SLC9A9: variants seen among roughly 807,000 people sequenced by gnomAD.
SLC9A9 encodes sodium/hydrogen exchanger 9.
In SLC9A9, 62 loss-of-function variants were observed where a neutral mutation model predicts 77.8. The observed-to-expected ratio is 0.80, with a 90% CI of 0.65 to 0.98. The LOEUF (loss-of-function observed/expected upper bound fraction) is 0.98, where lower values mean the gene tolerates loss of function less well. SLC9A9 is among the 50% of genes least tolerant of loss of function. SLC9A9 has a pLI of 0.00. For missense variants in SLC9A9, 775 were observed against 774.9 expected, an observed-to-expected ratio of 1.00 and a Z score of 0.00; for synonymous variants, 320 against 283.5, an observed-to-expected ratio of 1.13 and a Z score of -1.29.
intron 4 of SLC9A9, among the ~76,000 whole-genome samples, chr3:143,706,361 A>T (rs768168368): frequency 3.9e-5 from 6 of 152,148 alleles, no homozygotes; most frequent in African/African-American, 1.4e-4. Flanking sequence ...ATTCTTCCCT[A>T]AGGAATGTAA....
chr3:143,354,951 G>A (rs2032549576), intron 14 of SLC9A9, among the ~76,000 whole-genome samples: 1 of 152,122 alleles, frequency 6.6e-6, no homozygotes, highest in Non-Finnish European at 1.5e-5. Context: ...CTTTCATTGT[G>A]GAAGAGAAAA....
chr3:143,289,509 C>T (rs1938476823), intron 14 of SLC9A9, among the ~76,000 whole-genome samples: 1 of 152,130 alleles, frequency 6.6e-6, no homozygotes, highest in African/African-American at 2.4e-5. Flanking sequence ...CTGTTTCTCC[C>T]TCTCATGCCC....
At chr3:143,446,898 GCA>G (rs1559919331) in intron 12 of SLC9A9, among the ~76,000 whole-genome samples, 1 of 149,742 alleles carries the variant, frequency 6.7e-6, no homozygotes, top group East Asian at 1.9e-4. Flanking sequence ...GTGTGTGTGT[GCA>G]TGCACACATG....
chr3:143,492,808 T>A (rs1434138284), intron 11 of SLC9A9, among the ~76,000 whole-genome samples: 4 of 152,224 alleles, frequency 2.6e-5, no homozygotes, highest in African/African-American at 7.2e-5. Flanking sequence ...TTGTTCATGC[T>A]GATAGCAGGT....
intron 6 of SLC9A9, among the ~76,000 whole-genome samples, chr3:143,581,488 T>G (rs1002603305): frequency 2.6e-5 from 4 of 152,120 alleles, no homozygotes; most frequent in Non-Finnish European, 4.4e-5. Context: ...CCTTCCTTCC[T>G]TCTTTCCTAC....
intron 5 of SLC9A9, among the ~76,000 whole-genome samples, chr3:143,689,186 GA>G (rs149176831): frequency 0.016 from 2,469 of 152,164 alleles, 58 homozygotes; most frequent in African/African-American, 0.055. Flanking sequence ...AAATTTTATG[GA>G]GGGGAGTTTG....
intron 14 of SLC9A9, among the ~76,000 whole-genome samples, chr3:143,316,333 C>T (rs1367808095): frequency 6.6e-6 from 1 of 152,178 alleles, no homozygotes. Context: ...TAATCTCTGC[C>T]CTCAAACTTG....
chr3:143,302,838 C>T (rs1228670897), intron 14 of SLC9A9, among the ~76,000 whole-genome samples: 1 of 152,206 alleles, frequency 6.6e-6, no homozygotes, highest in East Asian at 1.9e-4. Context: ...AGAATCATCA[C>T]GTTTTCTGGA....
chr3:143,450,803 G>A (rs2034993765), intron 12 of SLC9A9, among the ~76,000 whole-genome samples: 1 of 152,176 alleles, frequency 6.6e-6, no homozygotes, highest in African/African-American at 2.4e-5. Context: ...AGTGGAGGCA[G>A]CATAGCCAGA....
At chr3:143,406,698 G>A (rs1421820150) in intron 12 of SLC9A9, among the ~76,000 whole-genome samples, 3 of 151,930 alleles carry the variant, frequency 2.0e-5, no homozygotes, top group African/African-American at 7.3e-5. Flanking sequence ...AAATTAGGCC[G>A]GGCATGGTGG....
chr3:143,520,566 T>TA (rs2036279922), intron 9 of SLC9A9, among the ~76,000 whole-genome samples: 1 of 152,246 alleles, frequency 6.6e-6, no homozygotes, highest in Non-Finnish European at 1.5e-5. Flanking sequence ...CAGGTCCTGT[T>TA]ATAATACTTT....
Position 143,467,185 on chromosome 3 carries a change from G to A in SLC9A9, c.1321C>T (p.Arg441Ter), listed in dbSNP as rs866526285. The A allele has an allele frequency of 9.3e-6, 15 of 1,614,012 alleles. No individual in the cohort carries two copies. The highest frequency in any genetic ancestry group is 2.2e-5 in the East Asian group (1 of 44,872). Reference sequence around the variant, plus strand: ...GCTAAGGCAAATGCGATCGCTCCTCGCAAACCTTGCAGGAAAAACCAAAGG... The same window carrying A: ...GCTAAGGCAAATGCGATCGCTCCTCACAAACCTTGCAGGAAAAACCAAAGG... Reference protein sequence around the residue: ...FQHMMMFSGLRGAIAFALAIR... With the variant: ...FQHMMMFSGL The change falls in exon 12 of 16, where the codon CGA becomes TGA. Residue 441 changes from arginine (R) to a stop codon, truncating the protein, a stop_gained. Coordinates refer to ENST00000316549, the MANE Select transcript of SLC9A9 (RefSeq NM_173653.4). LOFTEE classifies it high-confidence loss of function.
intron 6 of SLC9A9, among the ~76,000 whole-genome samples, chr3:143,637,889 A>G (rs2038551832): frequency 6.6e-6 from 1 of 152,216 alleles, no homozygotes; most frequent in African/African-American, 2.4e-5. Context: ...GTTATGTTCT[A>G]AGATTAAAGT....
At chr3:143,364,774 A>G (rs2032854041) in intron 13 of SLC9A9, among the ~76,000 whole-genome samples, 1 of 152,202 alleles carries the variant, frequency 6.6e-6, no homozygotes, top group South Asian at 2.1e-4. Context: ...TGGCTGAAGC[A>G]GAGACTCACA....
chr3:143,446,315 C>T (rs1398629505), intron 12 of SLC9A9, among the ~76,000 whole-genome samples: 1 of 151,980 alleles, frequency 6.6e-6, no homozygotes, highest in Non-Finnish European at 1.5e-5. Context: ...GAGGTAGATA[C>T]ACTGGGGACC....
chr3:143,385,657 C>T (rs537639650), intron 12 of SLC9A9, among the ~76,000 whole-genome samples: 32 of 152,256 alleles, frequency 2.1e-4, no homozygotes, highest in Non-Finnish European at 3.2e-4. Flanking sequence ...ATCATTTATA[C>T]GTAATGAGTT....
intron 8 of SLC9A9, among the ~76,000 whole-genome samples, chr3:143,565,812 A>C (rs1189861147): frequency 1.3e-5 from 2 of 152,036 alleles, no homozygotes; most frequent in African/African-American, 4.8e-5. Flanking sequence ...TATAAAGCAA[A>C]CCAGTTTTAA....
intron 12 of SLC9A9, among the ~76,000 whole-genome samples, chr3:143,426,093 T>C (rs115308144): frequency 9.3e-4 from 142 of 152,246 alleles, no homozygotes; most frequent in African/African-American, 3.3e-3. Flanking sequence ...GAAACTAGTA[T>C]TATATCGTTA....
At chr3:143,644,528 G>A (rs1268729430) in intron 6 of SLC9A9, among the ~76,000 whole-genome samples, 1 of 152,150 alleles carries the variant, frequency 6.6e-6, no homozygotes, top group Non-Finnish European at 1.5e-5. Flanking sequence ...AGGAACCAGG[G>A]AACAGGAATG....
Sources: allele counts gnomAD v4.1 joint callset (sites outside exome capture counted in the v4.1 genomes callset), GRCh38; gene constraint gnomAD v4.1.1; transcripts MANE v1.5; gene names NCBI Gene and HGNC (gene_info 2026-07-23, HGNC 2026-07-21).